TTC7A: variants seen among roughly 807,000 people sequenced by gnomAD.
TTC7A encodes the protein tetratricopeptide repeat protein 7A.
In TTC7A, 110 loss-of-function variants were observed where a neutral mutation model predicts 103.7. That is an observed-to-expected ratio of 1.06 (90% CI 0.91 to 1.24). TTC7A has a LOEUF of 1.24. Among genes scored for constraint, TTC7A ranks in the 50% most tolerant of loss-of-function variants. The probability of loss-of-function intolerance (pLI) is 0.00; values close to 1 mark genes in which losing one functional copy is unlikely to be tolerated. For synonymous variants in TTC7A, 521 were observed against 467.9 expected, an observed-to-expected ratio of 1.11 and a Z score of -1.47; for missense variants, 1,340 against 1,116.3, an observed-to-expected ratio of 1.20 and a Z score of -2.86.
At chr2:47,010,496 C>G (rs1389047096) in intron 10 of TTC7A, among the ~76,000 whole-genome samples, 1 of 152,044 alleles carries the variant, frequency 6.6e-6, no homozygotes, top group Non-Finnish European at 1.5e-5. Context: ...TGTGGCTGCC[C>G]CGCCCCGCCC....
chr2:47,047,461 T>G (rs887834385), intron 16 of TTC7A: 1 of 630,344 alleles, frequency 1.6e-6, no homozygotes, highest in African/African-American at 1.9e-5. Context: ...TTGAGGGACT[T>G]TTCAGAATGA....
At chr2:47,049,863 C>G (rs1682694617) in intron 16 of TTC7A, 86 bp from the exon 17 acceptor site, 3 of 989,500 alleles carry the variant, frequency 3.0e-6, no homozygotes, top group South Asian at 2.8e-5. Context: ...CCCTGCCAGT[C>G]CTTGTGATGC....
intron 1 of TTC7A, among the ~76,000 whole-genome samples, chr2:46,949,112 G>C (rs1343471954): frequency 6.6e-6 from 1 of 152,188 alleles, no homozygotes; most frequent in Non-Finnish European, 1.5e-5. Flanking sequence ...CTCAGACCCT[G>C]CACACTGAAC....
intron 11 of TTC7A, among the ~76,000 whole-genome samples, chr2:47,020,077 T>C (rs1572928726): frequency 6.6e-6 from 1 of 152,128 alleles, no homozygotes; most frequent in East Asian, 1.9e-4. Context: ...CTGCCAGGTG[T>C]GTGCCTCCTG....
At position 46,994,367 on chromosome 2, in the gene TTC7A, A is replaced by G. The variant is rs1178621550; in HGVS notation, c.854A>G (p.Lys285Arg). Residue 285 changes from lysine to arginine, a missense_variant, in exon 7 of 20, where the codon AAG becomes AGG. Physicochemically the swap from Lys to Arg is conservative, Grantham distance 26 (BLOSUM62 2). Coordinates refer to ENST00000319190, the MANE Select transcript of TTC7A (RefSeq NM_020458.4). ...TTCCCTCTCTGCCAGATGGCGGCCA[A>G]GCACCTGGCGGGGGTCCTGCTGCAC... is the stretch of plus-strand genomic sequence containing the variant. ...ATQNFKVMAAKHLAGVLLHSL... is the reference protein window; with the variant it reads ...ATQNFKVMAARHLAGVLLHSL... 5.0e-6 allele frequency: 8 copies of G among 1,612,662 alleles called. No individual in the cohort carries two copies. The highest frequency in any genetic ancestry group is 1.7e-4 in the Middle Eastern group (1 of 6,058).
chr2:46,951,849 T>C, intron 2 of TTC7A: 1 of 350,004 alleles, frequency 2.9e-6, no homozygotes, highest in Non-Finnish European at 5.6e-6. Flanking sequence ...CTCAAGGAGG[T>C]TGCAGGTCTC....
At chr2:47,050,131 G>T in intron 17 of TTC7A, 85 bp downstream of exon 17, 1 of 1,197,570 alleles carries the variant, frequency 8.4e-7, no homozygotes, top group East Asian at 2.4e-5. Context: ...GAGAGGGGCC[G>T]GGCCCTCTCC....
At chr2:46,951,111 A>G (rs994741753) in intron 2 of TTC7A, among the ~76,000 whole-genome samples, 11 of 152,208 alleles carry the variant, frequency 7.2e-5, no homozygotes, top group Admixed American at 6.5e-4. Flanking sequence ...GAAGAGCTCC[A>G]TAACAGGGCA....
chr2:46,960,048 C>A (rs1672235476), intron 3 of TTC7A, among the ~76,000 whole-genome samples: 1 of 152,176 alleles, frequency 6.6e-6, no homozygotes, highest in Admixed American at 6.5e-5. Flanking sequence ...GCCCAGCCAC[C>A]AGCATTCCTG....
chr2:46,965,799 G>A (rs1256796816), intron 3 of TTC7A, among the ~76,000 whole-genome samples: 1 of 152,012 alleles, frequency 6.6e-6, no homozygotes, highest in East Asian at 1.9e-4. Context: ...CTGACCTCAA[G>A]TGATCCGCCT....
At chr2:47,018,527 T>C (rs1287961746) in intron 11 of TTC7A, among the ~76,000 whole-genome samples, 1 of 145,786 alleles carries the variant, frequency 6.9e-6, no homozygotes, top group Non-Finnish European at 1.5e-5. Context: ...AAGGTTGCAG[T>C]GAGCTGAGAT....
Position 46,941,523 on chromosome 2 carries a change from T to C in TTC7A, c.-19T>C, listed in dbSNP as rs1338364975. ...CTCCACTTCTTGGCCGCACCTTCCATGACAGCGCCCGCGAGAAGATGGCTG... is the reference window on the plus strand; with the variant it reads ...CTCCACTTCTTGGCCGCACCTTCCACGACAGCGCCCGCGAGAAGATGGCTG... On this transcript the variant is annotated 5_prime_UTR_variant, in exon 1 of 20. It removes an upstream start codon present in the reference 5' UTR. Coordinates refer to ENST00000319190, the MANE Select transcript of TTC7A (RefSeq NM_020458.4). The surrounding 1 kb of genome is among the most constrained non-coding windows in gnomAD (Gnocchi z 4.2). 23 of 1,550,226 alleles carry C rather than the reference T, an allele frequency of 1.5e-5. No homozygotes were observed. Among genetic ancestry groups the C allele is most frequent in the Non-Finnish European group, 2.0e-5 (23 of 1,147,172 alleles).
chr2:47,012,546 A>G (rs565548087), intron 11 of TTC7A, among the ~76,000 whole-genome samples: 2 of 152,344 alleles, frequency 1.3e-5, no homozygotes, highest in East Asian at 3.9e-4. Flanking sequence ...GGGTGCATGC[A>G]GCAGGAGCTT....
At chr2:47,055,598 G>A (rs1173248636) in intron 18 of TTC7A, among the ~76,000 whole-genome samples, 2 of 152,160 alleles carry the variant, frequency 1.3e-5, no homozygotes, top group Non-Finnish European at 2.9e-5. Flanking sequence ...CCCAGGTCAC[G>A]GCTCTGGGAG....
In TTC7A at chr2:46,994,574, C is replaced by A. The variant is rs1435091154; in HGVS notation, c.1001+60C>A. On this transcript the variant is annotated intron_variant, in intron 7 of 19. Coordinates refer to ENST00000319190, the MANE Select transcript of TTC7A (RefSeq NM_020458.4). The stretch of plus-strand genomic sequence containing the variant: ...CTCACATCTCACGCAGGGTTCTGTC[C>A]CCACTGGTGGCTTCCTCTTTGCCCC... The A allele has an allele frequency of 3.2e-6, 5 of 1,557,246 alleles. No individual in the cohort carries two copies. In the South Asian group the frequency reaches 3.5e-5, roughly 11 times the overall value.
At chr2:46,978,335 G>A (rs1192783995) in intron 4 of TTC7A, 1 of 155,330 alleles carries the variant, frequency 6.4e-6, no homozygotes, top group African/African-American at 2.4e-5. Flanking sequence ...GACCCTCTCT[G>A]TTCTCACCGG....
chr2:47,053,860 C>G (rs1336018987), intron 18 of TTC7A, among the ~76,000 whole-genome samples: 1 of 152,222 alleles, frequency 6.6e-6, no homozygotes, highest in East Asian at 1.9e-4. Context: ...AGGCGTGAGC[C>G]ACTGCGCCCG....
Position 47,051,784 on chromosome 2 carries a change from G to T in TTC7A, c.2056G>T (p.Glu686Ter). The T allele has an allele frequency of 1.2e-6, 2 of 1,611,436 alleles. No homozygotes were observed. Among genetic ancestry groups the T allele is most frequent in the Non-Finnish European group, 1.7e-6 (2 of 1,179,654 alleles). Residue 686 changes from glutamate to a stop codon, truncating the protein, a stop_gained, in exon 18 of 20, where the codon GAG (glutamate) becomes TAG (stop). Coordinates refer to ENST00000319190, the MANE Select transcript of TTC7A (RefSeq NM_020458.4). LOFTEE classifies it high-confidence loss of function. ...RASSIAASRL[E>*]EAMSELTMPS... is the part of the protein sequence containing the mutation. The stretch of plus-strand genomic sequence containing the variant: ...TTCGTCCATCGCCGCCTCCCGGCTG[G>T]AGGAGGCCATGTCAGAGCTGACTAT...
chr2:47,051,941 G>A, intron 18 of TTC7A, 61 bp downstream of exon 18: 3 of 1,542,316 alleles, frequency 1.9e-6, no homozygotes, highest in Non-Finnish European at 1.8e-6. Context: ...TGCTCTCAGA[G>A]CCCTGTCCTG....
Sources: gnomAD v4.1 joint callset for allele counts (sites outside exome capture counted in the v4.1 genomes callset) on GRCh38, gnomAD v4.1.1 for gene constraint, Gnocchi (gnomAD v3.1) non-coding constraint, MANE v1.5 for transcripts, NCBI Gene and HGNC (gene_info 2026-07-23, HGNC 2026-07-21) for gene names.